The following RALYL variants were observed in gnomAD, a reference collection of about 807,000 sequenced individuals.
The protein encoded by RALYL is RNA-binding Raly-like protein.
In RALYL, 29 loss-of-function variants were observed where a neutral mutation model predicts 35.1. The ratio of observed to expected loss-of-function variants is 0.83; its 90% CI spans 0.61 to 1.13. The LOEUF is 1.13. Ranked by LOEUF, RALYL falls within the 50% of genes most tolerant of loss-of-function variation. RALYL has a pLI of 0.00. For synonymous variants in RALYL, 120 were observed against 127.6 expected (o/e 0.94, Z 0.40); for missense variants, 359 against 360.4 (o/e 1.00, Z 0.03).
chr8:84,661,646 T>C (rs983903479), intron 2 of RALYL, among the ~76,000 whole-genome samples: 1 of 149,670 alleles, frequency 6.7e-6, no homozygotes, highest in African/African-American at 2.4e-5. Context: ...ATTTTTTTTA[T>C]TATACTTTAA....
chr8:84,792,842 G>A (rs1821115438), intron 3 of RALYL, among the ~76,000 whole-genome samples: 1 of 152,158 alleles, frequency 6.6e-6, no homozygotes, highest in Non-Finnish European at 1.5e-5. Flanking sequence ...CTTCAAACCT[G>A]GATTGCAAGT....
chr8:84,640,172 TA>T (rs1257256220), intron 2 of RALYL, among the ~76,000 whole-genome samples: 1 of 152,010 alleles, frequency 6.6e-6, no homozygotes, highest in Admixed American at 6.6e-5. Flanking sequence ...AAACAATAGT[TA>T]CTCATTTAAC....
At chr8:84,343,750 C>T (rs920582649) in intron 1 of RALYL, among the ~76,000 whole-genome samples, 7 of 151,938 alleles carry the variant, frequency 4.6e-5, no homozygotes, top group Non-Finnish European at 5.9e-5. Context: ...CTGCCTCAGC[C>T]TCCCAAGTAG....
chr8:84,515,076 G>C (rs557693833), intron 1 of RALYL, among the ~76,000 whole-genome samples: 2 of 152,250 alleles, frequency 1.3e-5, no homozygotes, highest in Non-Finnish European at 2.9e-5. Flanking sequence ...TTATGTAGTT[G>C]CAATAATTGT....
chr8:84,241,123 C>T (rs13281339), intron 1 of RALYL, among the ~76,000 whole-genome samples: 77,728 of 151,824 alleles, frequency 0.51, 20,065 homozygotes, highest in South Asian at 0.6. Context: ...AAAAAACATA[C>T]ACATACACAC....
intron 4 of RALYL, among the ~76,000 whole-genome samples, chr8:84,814,667 CT>C (rs571478491): frequency 5.7e-4 from 86 of 152,074 alleles, no homozygotes; most frequent in Non-Finnish European, 1.1e-3. Context: ...AAGTTATTTC[CT>C]TACTGAGAAA....
chr8:84,719,780 G>A (rs561623824), intron 2 of RALYL, among the ~76,000 whole-genome samples: 2 of 152,084 alleles, frequency 1.3e-5, no homozygotes, highest in South Asian at 2.1e-4. Flanking sequence ...TCTTTGTGGG[G>A]AGAACATTCA....
At chr8:84,275,268 C>T (rs1835133213) in intron 1 of RALYL, among the ~76,000 whole-genome samples, 1 of 151,940 alleles carries the variant, frequency 6.6e-6, no homozygotes, top group South Asian at 2.1e-4. Flanking sequence ...GTATTTTGTG[C>T]ATGTATATTA....
chr8:84,276,577 A>G (rs1384080546), intron 1 of RALYL, among the ~76,000 whole-genome samples: 2 of 152,202 alleles, frequency 1.3e-5, no homozygotes, highest in East Asian at 1.9e-4. Context: ...ATACTTCTGG[A>G]AAGTTTATTG....
chr8:84,449,430 A>G (rs1225783970), intron 1 of RALYL, among the ~76,000 whole-genome samples: 1 of 151,926 alleles, frequency 6.6e-6, no homozygotes, highest in African/African-American at 2.4e-5. Context: ...CCTTTCATTT[A>G]TGGTTGTATT....
At chr8:84,397,210 T>C (rs899183046) in intron 1 of RALYL, among the ~76,000 whole-genome samples, 3 of 152,088 alleles carry the variant, frequency 2.0e-5, no homozygotes, top group Non-Finnish European at 4.4e-5. Context: ...GAAACAAAAA[T>C]TTCTCCCAGA....
intron 1 of RALYL, among the ~76,000 whole-genome samples, chr8:84,525,958 T>TC (rs1290100599): frequency 6.3e-5 from 3 of 47,464 alleles, no homozygotes; most frequent in Non-Finnish European, 1.5e-4. Flanking sequence ...TTTTTCTTTT[T>TC]TTTTTTTTTT....
chr8:84,574,101 G>A (rs1307612756), intron 2 of RALYL, among the ~76,000 whole-genome samples: 2 of 151,838 alleles, frequency 1.3e-5, no homozygotes, highest in African/African-American at 2.4e-5. Context: ...AAGAGTTTAG[G>A]CTTTAATCTG....
chr8:84,767,294 G>A (rs939370170), intron 2 of RALYL, among the ~76,000 whole-genome samples: 4 of 151,898 alleles, frequency 2.6e-5, no homozygotes, highest in Non-Finnish European at 2.9e-5. Flanking sequence ...TATCTGTCAC[G>A]GCATCATGGT....
At chr8:84,895,261 G>A (rs1445065141) in intron 8 of RALYL, among the ~76,000 whole-genome samples, 1 of 151,846 alleles carries the variant, frequency 6.6e-6, no homozygotes, top group Non-Finnish European at 1.5e-5. Flanking sequence ...TTATTTGGAT[G>A]GAGTTAGGGA....
At chr8:84,813,465 T>C (rs1348104155) in intron 4 of RALYL, among the ~76,000 whole-genome samples, 4 of 152,190 alleles carry the variant, frequency 2.6e-5, no homozygotes, top group African/African-American at 9.7e-5. Flanking sequence ...TTTATGACTT[T>C]TAATCCATAG....
chr8:84,441,845 T>C (rs921598725), intron 1 of RALYL, among the ~76,000 whole-genome samples: 5 of 152,228 alleles, frequency 3.3e-5, no homozygotes, highest in African/African-American at 4.8e-5. Flanking sequence ...CCACTGCCCA[T>C]GGCAATTCAT....
At chr8:84,597,171 A>G (rs572425163) in intron 2 of RALYL, among the ~76,000 whole-genome samples, 2 of 152,294 alleles carry the variant, frequency 1.3e-5, no homozygotes, top group Admixed American at 6.5e-5. Context: ...TTTCTAAAGT[A>G]ATGAAACATA....
At chr8:84,642,616 G>C (rs995168239) in intron 2 of RALYL, among the ~76,000 whole-genome samples, 1 of 151,962 alleles carries the variant, frequency 6.6e-6, no homozygotes, top group African/African-American at 2.4e-5. Context: ...TTCAAAATGG[G>C]CATAAAATAG....
Sources: allele counts gnomAD v4.1 joint callset (sites outside exome capture counted in the v4.1 genomes callset), GRCh38; gene constraint gnomAD v4.1.1; transcripts MANE v1.5; gene names NCBI Gene and HGNC (gene_info 2026-07-23, HGNC 2026-07-21).